The following DPF3 variants were observed in gnomAD, a reference collection of about 807,000 sequenced individuals.
DPF3 encodes double PHD fingers 3.
In DPF3, 18 loss-of-function variants were observed where a neutral mutation model predicts 56.8. That is an observed-to-expected ratio of 0.32 (90% CI 0.22 to 0.47). The LOEUF is 0.47. Among genes scored for constraint, DPF3 ranks in the 20% least tolerant of loss-of-function variants. The pLI is 1.00. For missense variants in DPF3, 403 were observed against 488.8 expected (o/e 0.82, Z 1.65); for synonymous variants, 188 against 180.2 (o/e 1.04, Z -0.35).
intron 1 of DPF3, among the ~76,000 whole-genome samples, chr14:72,872,562 A>T (rs1232716619): frequency 6.6e-6 from 1 of 152,200 alleles, no homozygotes; most frequent in Non-Finnish European, 1.5e-5. Context: ...ACGGAATTGG[A>T]AAAAACTACT....
Position 72,753,249 on chromosome 14 carries a change from C to G in DPF3, c.301+15G>C, listed in dbSNP as rs998031985. Reference sequence around the variant, plus strand: ...TTCCCATCACAGACCCAGCCAAGCTCCAGAGGGCACTGACCAGGTTTTATC... The same window carrying G: ...TTCCCATCACAGACCCAGCCAAGCTGCAGAGGGCACTGACCAGGTTTTATC... On this transcript the variant is annotated intron_variant, in intron 3 of 10. Transcript: ENST00000556509. 1 of 1,612,102 alleles carries G rather than the reference C, an allele frequency of 6.2e-7. No homozygotes were observed. Among genetic ancestry groups the G allele is most frequent in the East Asian group, 2.2e-5 (1 of 44,888 alleles).
At chr14:72,841,523 T>A (rs1474891106) in intron 1 of DPF3, among the ~76,000 whole-genome samples, 1 of 152,134 alleles carries the variant, frequency 6.6e-6, no homozygotes, top group Non-Finnish European at 1.5e-5. Flanking sequence ...AAGTTGGGGT[T>A]AGGGGAGAGA....
At chr14:72,885,201 G>T (rs1390475694) in intron 1 of DPF3, among the ~76,000 whole-genome samples, 1 of 150,580 alleles carries the variant, frequency 6.6e-6, no homozygotes, top group Admixed American at 6.6e-5. Flanking sequence ...TGAGTCTCTG[G>T]GTTCCTAGTT....
intron 1 of DPF3, among the ~76,000 whole-genome samples, chr14:72,862,914 C>G (rs1267565838): frequency 6.6e-6 from 1 of 152,084 alleles, no homozygotes; most frequent in Non-Finnish European, 1.5e-5. Context: ...GTTCACTGCT[C>G]TATGTCTAGC....
chr14:72,885,317 T>C (rs1886500650), intron 1 of DPF3, among the ~76,000 whole-genome samples: 1 of 151,962 alleles, frequency 6.6e-6, no homozygotes, highest in African/African-American at 2.4e-5. Context: ...TTGTTTAGTT[T>C]ATAAGGTGGA....
At chr14:72,762,447 C>T (rs1047051731) in intron 2 of DPF3, among the ~76,000 whole-genome samples, 10 of 151,692 alleles carry the variant, frequency 6.6e-5, no homozygotes, top group African/African-American at 2.2e-4. Flanking sequence ...ATTTAATCAA[C>T]CATTCCTACA....
rs766396428 is a variant in DPF3 at position 72,718,771 on chromosome 14, A to ATTTTTTTTTTTTTTT, written c.526-4271_526-4270insAAAAAAAAAAAAAAA. 9.2e-3 allele frequency among the ~76,000 whole-genome samples: 866 copies of ATTTTTTTTTTTTTTT among 93,852 alleles called. 136 individuals are homozygous for ATTTTTTTTTTTTTTT. Among genetic ancestry groups the ATTTTTTTTTTTTTTT allele is most frequent in the African/African-American group, 0.025 (568 of 22,670 alleles). The allele number at this position is 93,852 out of a possible 152,430, so 61.6% of individuals were successfully genotyped here. ...AGAACCACTGCTCTACACCCTTGCT[A>ATTTTTTTTTTTTTTT]TTTTTTTTTTTTTTGAGACGGAGTC... On this transcript the variant is annotated intron_variant, in intron 5 of 10. Coordinates refer to ENST00000556509, the MANE Select transcript of DPF3 (RefSeq NM_001280542.3).
At chr14:72,860,648 C>T (rs900985718) in intron 1 of DPF3, among the ~76,000 whole-genome samples, 2 of 150,774 alleles carry the variant, frequency 1.3e-5, no homozygotes, top group African/African-American at 2.4e-5. Context: ...CACCACAAAC[C>T]TCCACCTCCT....
At chr14:72,774,749 A>C (rs1273070592) in intron 1 of DPF3, among the ~76,000 whole-genome samples, 1 of 152,224 alleles carries the variant, frequency 6.6e-6, no homozygotes, top group East Asian at 1.9e-4. Context: ...CCAAACTGTA[A>C]TCAAATTGTA....
chr14:72,646,465 C>T (rs1274039625), intron 8 of DPF3, among the ~76,000 whole-genome samples: 5 of 152,212 alleles, frequency 3.3e-5, no homozygotes, highest in Admixed American at 6.5e-5. Context: ...AGATAAAAGC[C>T]CTTTGGCCAC....
chr14:72,845,357 C>T (rs989035488), intron 1 of DPF3, among the ~76,000 whole-genome samples: 1 of 151,948 alleles, frequency 6.6e-6, no homozygotes, highest in Non-Finnish European at 1.5e-5. Context: ...CTCTGTGACA[C>T]CTAGAGGTCA....
rs1435116174 is a variant in DPF3, at chr14:72,609,152, G to A, written c.*10145C>T. 4.6e-5 allele frequency among the ~76,000 whole-genome samples: 7 copies of A among 152,218 alleles called. No individual in the cohort carries two copies. Among genetic ancestry groups the A allele is most frequent in the African/African-American group, 1.4e-4 (6 of 41,452 alleles). ...ACAAGATACTAACCACAGCAAGGAA[G>A]GGGTAGGGGCTTGTGACTCAGTCTT... On this transcript the variant is annotated 3_prime_UTR_variant, in exon 11 of 11. Transcript: ENST00000556509.
intron 8 of DPF3, among the ~76,000 whole-genome samples, chr14:72,649,881 C>A (rs985631500): frequency 1.3e-5 from 2 of 152,180 alleles, no homozygotes; most frequent in African/African-American, 2.4e-5. Flanking sequence ...GATGAAAACA[C>A]GTATCTTATT....
At chr14:72,756,452 T>A (rs1217226165) in intron 2 of DPF3, among the ~76,000 whole-genome samples, 5 of 152,166 alleles carry the variant, frequency 3.3e-5, no homozygotes, top group South Asian at 2.1e-4. Context: ...TCCTGAGGGT[T>A]CTGGGCATCT....
At chr14:72,665,356 T>C (rs1163241198) in intron 8 of DPF3, among the ~76,000 whole-genome samples, 1 of 152,222 alleles carries the variant, frequency 6.6e-6, no homozygotes, top group African/African-American at 2.4e-5. Context: ...AGTTGCCAAA[T>C]GAACCGAGGT....
At chr14:72,700,529 G>A (rs866689087) in intron 6 of DPF3, among the ~76,000 whole-genome samples, 3 of 152,156 alleles carry the variant, frequency 2.0e-5, no homozygotes, top group Non-Finnish European at 4.4e-5. Flanking sequence ...CCTGAGTCAG[G>A]CATAAAATTC....
chr14:72,674,612 T>C (rs916865340), intron 7 of DPF3, among the ~76,000 whole-genome samples: 2 of 152,216 alleles, frequency 1.3e-5, no homozygotes, highest in African/African-American at 4.8e-5. Flanking sequence ...GTTGCAGAAA[T>C]CACCCTGCTC....
intron 8 of DPF3, chr14:72,661,689 A>G: frequency 1.0e-6 from 1 of 985,304 alleles, no homozygotes; most frequent in Non-Finnish European, 1.2e-6. Context: ...CCAGCAACTG[A>G]ATTTGAGGTT....
At chr14:72,694,651 C>T (rs1274497478) in intron 6 of DPF3, among the ~76,000 whole-genome samples, 2 of 152,186 alleles carry the variant, frequency 1.3e-5, no homozygotes, top group Non-Finnish European at 2.9e-5. Flanking sequence ...TTTACATAAA[C>T]TATTTTATCT....
Sources: allele counts gnomAD v4.1 joint callset (sites outside exome capture counted in the v4.1 genomes callset), GRCh38; gene constraint gnomAD v4.1.1; transcripts MANE v1.5; gene names NCBI Gene and HGNC (gene_info 2026-07-23, HGNC 2026-07-21).